The following UTRN variants were observed in gnomAD, a reference collection of about 807,000 sequenced individuals.
UTRN encodes the protein utrophin.
Under a neutral mutation model 463.9 loss-of-function variants are expected in UTRN, and 283 were observed. That is an observed-to-expected ratio of 0.61 (90% CI 0.55 to 0.67). The LOEUF is 0.67. Ranked by LOEUF, UTRN falls within the 30% of genes least tolerant of loss-of-function variation. UTRN has a pLI of 0.00. For synonymous variants in UTRN, 1,442 were observed against 1,431.5 expected, an observed-to-expected ratio of 1.01 and a Z score of -0.17; for missense variants, 3,922 against 4,084.3, an observed-to-expected ratio of 0.96 and a Z score of 1.08.
At chr6:144,806,890 T>C (rs535592209) in intron 65 of UTRN, among the ~76,000 whole-genome samples, 1 of 152,274 alleles carries the variant, frequency 6.6e-6, no homozygotes, top group East Asian at 1.9e-4. Context: ...AATCATTGCT[T>C]TCTGAAATTT....
chr6:144,354,075 A>G (rs1778346556), intron 2 of UTRN, among the ~76,000 whole-genome samples: 1 of 152,196 alleles, frequency 6.6e-6, no homozygotes, highest in South Asian at 2.1e-4. Flanking sequence ...TTGTGTCCTC[A>G]CCTGTGCAGT....
chr6:144,407,287 A>T (rs73597078), intron 3 of UTRN, among the ~76,000 whole-genome samples: 1 of 152,172 alleles, frequency 6.6e-6, no homozygotes, highest in African/African-American at 2.4e-5. Context: ...ACAATGACAT[A>T]GACATACATT....
intron 58 of UTRN, 67 bp downstream of exon 58, chr6:144,758,056 TTC>T: frequency 7.2e-7 from 1 of 1,397,490 alleles, no homozygotes. Context: ...CTTAAGAGGC[TTC>T]TCTCCCCATA....
At chr6:144,469,016 C>T (rs1018045047) in intron 23 of UTRN, among the ~76,000 whole-genome samples, 3 of 152,148 alleles carry the variant, frequency 2.0e-5, no homozygotes, top group Non-Finnish European at 4.4e-5. Flanking sequence ...GAGGTGGAAA[C>T]GCCGAGTGAA....
chr6:144,799,379 G>C, intron 64 of UTRN: 1 of 463,778 alleles, frequency 2.2e-6, no homozygotes, highest in Non-Finnish European at 4.5e-6. Context: ...CAGGTAGGTA[G>C]TGTGAAGTAG....
At chr6:144,561,090 G>A (rs1393034590) in intron 50 of UTRN, among the ~76,000 whole-genome samples, 2 of 150,170 alleles carry the variant, frequency 1.3e-5, no homozygotes, top group African/African-American at 4.9e-5. Flanking sequence ...TCTAGTGCCA[G>A]TTGAGATAGT....
intron 53 of UTRN, among the ~76,000 whole-genome samples, chr6:144,725,821 A>G (rs1787814219): frequency 6.6e-6 from 1 of 152,242 alleles, no homozygotes; most frequent in East Asian, 1.9e-4. Context: ...AATTTACAAA[A>G]CAGGATATGA....
chr6:144,370,533 C>T (rs535239916), intron 2 of UTRN, among the ~76,000 whole-genome samples: 1 of 152,338 alleles, frequency 6.6e-6, no homozygotes, highest in African/African-American at 2.4e-5. Context: ...TAATGGAGAA[C>T]CTCTGCTAGG....
intron 53 of UTRN, among the ~76,000 whole-genome samples, chr6:144,716,003 C>A (rs1344672490): frequency 2.0e-5 from 3 of 152,066 alleles, no homozygotes; most frequent in African/African-American, 7.2e-5. Flanking sequence ...GAAGTGTAAG[C>A]AATAATCTTG....
At chr6:144,824,486 T>C (rs764628934) in intron 66 of UTRN, among the ~76,000 whole-genome samples, 1 of 109,052 alleles carries the variant, frequency 9.2e-6, no homozygotes, top group African/African-American at 4.0e-5. Flanking sequence ...TATATACACA[T>C]ATACAATAAA....
chr6:144,636,713 G>A (rs1433496313), intron 51 of UTRN, among the ~76,000 whole-genome samples: 2 of 152,152 alleles, frequency 1.3e-5, no homozygotes, highest in African/African-American at 4.8e-5. Flanking sequence ...TCACTCCAGT[G>A]CTATACATTG....
chr6:144,746,257 C>T (rs1458809677), intron 54 of UTRN, among the ~76,000 whole-genome samples: 1 of 151,884 alleles, frequency 6.6e-6, no homozygotes, highest in Non-Finnish European at 1.5e-5. Flanking sequence ...CCTGCCTTGG[C>T]CTCCCAAAGT....
chr6:144,331,446 G>C (rs968712373), intron 2 of UTRN, among the ~76,000 whole-genome samples: 1 of 152,104 alleles, frequency 6.6e-6, no homozygotes. Context: ...AAGATTTACC[G>C]AAAAGTGTCT....
intron 63 of UTRN, 135 bp from the exon 64 acceptor site, chr6:144,797,689 T>C: frequency 1.2e-6 from 1 of 864,116 alleles, no homozygotes; most frequent in Non-Finnish European, 1.7e-6. Context: ...TAAAGCATTG[T>C]GACTTAACTG....
chr6:144,479,937 G>C lies in UTRN; in HGVS notation c.3462G>C (p.Glu1154Asp). ...AEEEYLERDF[E>D]YKSPEELESA... ...AAGAATATTTGGAGCGGGATTTTGA[G>C]TACAAGTCACCAGAAGAGCTTGAGA... The change falls in exon 26 of 75, where the codon GAG (glutamate) becomes GAC (aspartate). Residue 1154 changes from glutamate to aspartate, a missense_variant. Physicochemically the swap from Glu to Asp is conservative, Grantham distance 45. Coordinates refer to ENST00000367545, the MANE Select transcript of UTRN (RefSeq NM_007124.3). The C allele has an allele frequency of 1.2e-6, 2 of 1,614,160 alleles. No homozygotes were observed. Among genetic ancestry groups the C allele is most frequent in the African/African-American group, 1.3e-5 (1 of 75,044 alleles).
At chr6:144,426,715 A>T (rs1785324751) in intron 7 of UTRN, among the ~76,000 whole-genome samples, 1 of 152,240 alleles carries the variant, frequency 6.6e-6, no homozygotes, top group Admixed American at 6.5e-5. Context: ...AAAAATATGA[A>T]ATAATTCACA....
intron 2 of UTRN, chr6:144,331,061 C>T (rs1006450199): frequency 1.0e-6 from 1 of 980,000 alleles, no homozygotes; most frequent in Admixed American, 6.2e-5. Flanking sequence ...TTTTGTCCAC[C>T]TGTTCATTGA....
At chr6:144,440,850 A>G (rs998706071) in intron 13 of UTRN, among the ~76,000 whole-genome samples, 4 of 152,226 alleles carry the variant, frequency 2.6e-5, no homozygotes, top group Non-Finnish European at 4.4e-5. Context: ...CCTCACAATC[A>G]TGGTGGAAGG....
chr6:144,463,999 A>G (rs993333733), intron 23 of UTRN, among the ~76,000 whole-genome samples: 5 of 151,272 alleles, frequency 3.3e-5, no homozygotes, highest in African/African-American at 1.2e-4. Flanking sequence ...CAATATATAT[A>G]TCTACATATA....
Sources: allele counts gnomAD v4.1 joint callset (sites outside exome capture counted in the v4.1 genomes callset), GRCh38; gene constraint gnomAD v4.1.1; transcripts MANE v1.5; gene names NCBI Gene and HGNC (gene_info 2026-07-23, HGNC 2026-07-21).